The following CEACAM21 variants were observed in gnomAD, a reference collection of about 807,000 sequenced individuals.
CEACAM21 encodes the protein CEA cell adhesion molecule 21.
A neutral mutation model predicts 33.2 loss-of-function variants in CEACAM21; 38 were observed. The ratio of observed to expected loss-of-function variants is 1.14; its 90% CI spans 0.88 to 1.50. The LOEUF is 1.50. CEACAM21 is among the 40% of genes most tolerant of loss of function. CEACAM21 has a pLI of 0.00. For missense variants in CEACAM21, 385 were observed against 364.6 expected, an observed-to-expected ratio of 1.06 and a Z score of -0.46; for synonymous variants, 156 against 143.0, an observed-to-expected ratio of 1.09 and a Z score of -0.65.
In CEACAM21 at chr19:41,586,507, A is replaced by G. The variant is rs553613447; in HGVS notation, c.*44A>G. 7.1e-4 allele frequency: 450 copies of G among 635,948 alleles called. 4 individuals are homozygous for G. The highest frequency in any genetic ancestry group is 6.0e-3 in the South Asian group (439 of 73,418). 39.4% of individuals were successfully genotyped at this position (635,948 alleles called of 1,614,324 possible). A position where few individuals can be genotyped will look rare whatever the true frequency, so the allele number is the denominator to read the frequency against. ...ACAAACATTTACTGCTGGATCGACC[A>G]CAAAGCAGATGTGGCTTCTTAGGTT... On this transcript the variant is annotated 3_prime_UTR_variant, in exon 7 of 7. Coordinates refer to ENST00000401445, the MANE Select transcript of CEACAM21 (RefSeq NM_001098506.4).
In CEACAM21 at chr19:41,585,844, T is replaced by C. The variant is rs782606384; in HGVS notation, c.855T>C (p.His285=). The change falls in exon 6 of 7, where the codon CAT becomes CAC. Residue 285 remains histidine, a synonymous_variant. Transcript: ENST00000401445. The part of the protein sequence containing the change: ...EQQPPASTPG[H]GPSDSSIS The stretch of plus-strand genomic sequence containing the variant: ...CACTTTTGTCTCTGTCCCCAGGCCA[T>C]GGACCCTCTGACAGCTCCATCTCCT... 3.7e-6 allele frequency: 6 copies of C among 1,612,882 alleles called. No individual in the cohort carries two copies. The East Asian group carries it at 6.7e-5, about 18-fold the overall frequency.
At chr19:41,553,187 A>T (rs1353960896) in intron 1 of CEACAM21, among the ~76,000 whole-genome samples, 2 of 151,888 alleles carry the variant, frequency 1.3e-5, no homozygotes, top group African/African-American at 4.8e-5. Context: ...AAGTGGCACG[A>T]TCTTGACTCA....
chr19:41,578,822 G>A (rs532718619), intron 2 of CEACAM21, among the ~76,000 whole-genome samples: 1 of 152,148 alleles, frequency 6.6e-6, no homozygotes, highest in Non-Finnish European at 1.5e-5. Context: ...GAGGATGAAG[G>A]AAAGGACTCA....
exon 2 of CEACAM21, chr19:41,564,823 T>C (rs1287731715): frequency 6.6e-6 from 1 of 152,228 alleles, no homozygotes; most frequent in Non-Finnish European, 1.5e-5. Flanking sequence ...TCTCCTCCGT[T>C]GACCCGCCCT....
chr19:41,583,392 C>T lies in CEACAM21; in HGVS notation c.701-955C>T, dbSNP rs1464809604. 4.6e-5 allele frequency among the ~76,000 whole-genome samples: 7 copies of T among 152,300 alleles called. No homozygotes were observed. In the East Asian group the frequency reaches 1.4e-3, roughly 29 times the overall value. On this transcript the variant is annotated intron_variant, in intron 3 of 6. Transcript: ENST00000401445. ...CTTCTTCTGAGCCCTCCAAACTGTT[C>T]CAACCTCTGCCTGTTACCCAGTTCC... is the stretch of plus-strand genomic sequence containing the variant.
At chr19:41,558,612 A>G (rs1207227596) in intron 1 of CEACAM21, among the ~76,000 whole-genome samples, 5 of 152,168 alleles carry the variant, frequency 3.3e-5, no homozygotes, top group Non-Finnish European at 7.4e-5. Flanking sequence ...ATGCCACTGC[A>G]CTCCAGCCTG....
At chr19:41,555,922 T>A (rs1409839837) in intron 1 of CEACAM21, among the ~76,000 whole-genome samples, 1 of 152,166 alleles carries the variant, frequency 6.6e-6, no homozygotes, top group Non-Finnish European at 1.5e-5. Context: ...CAGCAGCCGT[T>A]GCACTCACAA....
At chr19:41,582,373 T>G (rs1020552380) in intron 3 of CEACAM21, among the ~76,000 whole-genome samples, 8 of 152,226 alleles carry the variant, frequency 5.3e-5, no homozygotes, top group Non-Finnish European at 8.8e-5. Flanking sequence ...TTAGTGGATC[T>G]ACCATTCTGG....
chr19:41,575,235 A>G (rs2042860991), upstream of CEACAM21, among the ~76,000 whole-genome samples: 1 of 152,224 alleles, frequency 6.6e-6, no homozygotes, highest in Non-Finnish European at 1.5e-5. Flanking sequence ...ATTTGGTATA[A>G]TGAAGATTTT....
intron 6 of CEACAM21, chr19:41,586,186 C>T: frequency 1.7e-6 from 1 of 578,538 alleles, no homozygotes; most frequent in Non-Finnish European, 3.1e-6. Flanking sequence ...CAGCTGCTCT[C>T]ATCTATGAGG....
chr19:41,577,611 T>C (rs1342369655), intron 2 of CEACAM21, 52 bp downstream of exon 2: 1 of 1,602,468 alleles, frequency 6.2e-7, no homozygotes, highest in Non-Finnish European at 8.5e-7. Flanking sequence ...CTGCTTCACA[T>C]ACGCAGGATT....
At chr19:41,568,230 T>G (rs2042389190) in intron 2 of CEACAM21, among the ~76,000 whole-genome samples, 1 of 152,180 alleles carries the variant, frequency 6.6e-6, no homozygotes, top group African/African-American at 2.4e-5. Context: ...ATTTGTAGGT[T>G]GTCTCTTTGC....
intron 2 of CEACAM21, among the ~76,000 whole-genome samples, chr19:41,567,041 T>G (rs1555788480): frequency 2.0e-5 from 3 of 151,492 alleles, no homozygotes; most frequent in Non-Finnish European, 4.4e-5. Context: ...TATTTTCATA[T>G]TGTTTTCTCT....
rs925316487 is a variant in CEACAM21 at position 41,576,219 on chromosome 19, G to A, written c.-56G>A. 61 of 1,599,596 alleles carry A rather than the reference G, an allele frequency of 3.8e-5. No individual in the cohort carries two copies. Among genetic ancestry groups the A allele is most frequent in the Middle Eastern group, 1.7e-4 (1 of 6,054 alleles). On this transcript the variant is annotated 5_prime_UTR_variant, in exon 1 of 7. Transcript: ENST00000401445. ...CAGTCACAGTAACCCTGTCTAGAGC[G>A]TTCCTGGAGCCCAAGCTCCTCTCCA...
intron 1 of CEACAM21, among the ~76,000 whole-genome samples, chr19:41,563,385 G>A (rs184325596): frequency 6.6e-6 from 1 of 152,276 alleles, no homozygotes; most frequent in Admixed American, 6.5e-5. Flanking sequence ...GTTCCTCGGC[G>A]CTTCTGAAAT....
At position 41,585,882 on chromosome 19, in the gene CEACAM21, C is replaced by T; in HGVS notation, c.*11C>T. ...AGCTCCATCTCCTAGGTAAGACTGTCCGTTCCCAATCCCATTTCCACTGGG... is the reference window on the plus strand; with the variant it reads ...AGCTCCATCTCCTAGGTAAGACTGTTCGTTCCCAATCCCATTTCCACTGGG... On this transcript the variant is annotated intron_variant, in intron 6 of 6. Transcript: ENST00000401445. The T allele has an allele frequency of 6.2e-7, 1 of 1,612,604 alleles. No individual in the cohort carries two copies.
intron 2 of CEACAM21, among the ~76,000 whole-genome samples, chr19:41,566,505 C>T (rs1444551856): frequency 1.3e-5 from 2 of 152,090 alleles, no homozygotes; most frequent in Admixed American, 1.3e-4. Flanking sequence ...ACTTGCATTC[C>T]TGATATAAGC....
chr19:41,575,684 C>A (rs1017953748), upstream of CEACAM21, among the ~76,000 whole-genome samples: 1 of 152,168 alleles, frequency 6.6e-6, no homozygotes, highest in Non-Finnish European at 1.5e-5. Flanking sequence ...TGGGGATCCT[C>A]CCGAGACCTC....
intron 1 of CEACAM21, among the ~76,000 whole-genome samples, chr19:41,562,202 G>A (rs879990616): frequency 6.6e-5 from 10 of 151,802 alleles, no homozygotes; most frequent in Non-Finnish European, 1.2e-4. Flanking sequence ...GCCGAGATCG[G>A]CCAGTGCACT....
Sources: allele counts gnomAD v4.1 joint callset (sites outside exome capture counted in the v4.1 genomes callset), GRCh38; gene constraint gnomAD v4.1.1; transcripts MANE v1.5; gene names NCBI Gene and HGNC (gene_info 2026-07-23, HGNC 2026-07-21).